SGPL1: variants seen among roughly 807,000 people sequenced by gnomAD.
SGPL1 encodes sphingosine-1-phosphate lyase 1, also known as SP-lyase 1.
Under a neutral mutation model 68.9 loss-of-function variants are expected in SGPL1, and 37 were observed. The ratio of observed to expected loss-of-function variants is 0.54; its 90% confidence interval spans 0.41 to 0.71. The LOEUF (loss-of-function observed/expected upper bound fraction) is 0.71. SGPL1 is among the 30% of genes least tolerant of loss of function. SGPL1 has a pLI of 0.00. For synonymous variants in SGPL1, 236 were observed against 248.5 expected, an observed-to-expected ratio of 0.95 and a Z score of 0.47; for missense variants, 551 against 704.6, an observed-to-expected ratio of 0.78 and a Z score of 2.47.
rs537696789 is a variant in SGPL1, at chr10:70,871,006, G to A, written c.811-42G>A. On this transcript the variant is annotated intron_variant, in intron 9 of 14. Transcript: ENST00000373202. The stretch of plus-strand genomic sequence containing the variant: ...TTGGCAGCAGAAGAGAAGAGTAATT[G>A]TGACATAGATTCTCATTTTCCTTTA... 5 of 1,543,448 alleles carry A rather than the reference G, an allele frequency of 3.2e-6. No homozygotes were observed. The African/African-American group carries it at 6.8e-5, about 21-fold the overall frequency.
In SGPL1 at chr10:70,871,065, C is replaced by G. The variant is rs1224822729; in HGVS notation, c.828C>G (p.Ile276Met). Residue 276 changes from isoleucine (I) to methionine (M), a missense_variant, in exon 10 of 15, where the codon ATC becomes ATG. Physicochemically the swap from Ile to Met is conservative, Grantham distance 10. Coordinates refer to ENST00000373202, the MANE Select transcript of SGPL1 (RefSeq NM_003901.4). ...EVDVRAMRRA[I>M]SRNTAMLVCS... ...ATCCCTAGGCAATGAGAAGAGCTAT[C>G]TCCAGGAACACTGCCATGCTCGTCT... 4 of 1,613,678 alleles carry G rather than the reference C, an allele frequency of 2.5e-6. No homozygotes were observed.
intron 2 of SGPL1, among the ~76,000 whole-genome samples, chr10:70,843,826 A>G (rs1353483049): frequency 2.0e-5 from 3 of 152,230 alleles, no homozygotes; most frequent in Non-Finnish European, 4.4e-5. Context: ...TGTGCTAAGA[A>G]TGATTTTTAC....
intron 2 of SGPL1, among the ~76,000 whole-genome samples, chr10:70,827,900 C>CT (rs1845463738): frequency 1.3e-5 from 2 of 152,102 alleles, no homozygotes; most frequent in Admixed American, 1.3e-4. Context: ...AGTATATTCT[C>CT]TTTTGTGAGT....
At chr10:70,827,341 T>C (rs982177902) in intron 2 of SGPL1, among the ~76,000 whole-genome samples, 23 of 152,232 alleles carry the variant, frequency 1.5e-4, no homozygotes, top group African/African-American at 5.5e-4. Flanking sequence ...TCAAGTCATA[T>C]GCCTTATCAG....
At chr10:70,848,587 C>T (rs1845829270) in intron 3 of SGPL1, among the ~76,000 whole-genome samples, 1 of 150,826 alleles carries the variant, frequency 6.6e-6, no homozygotes, top group African/African-American at 2.4e-5. Context: ...GCTTCAGCCT[C>T]CCGAGTAGCT....
chr10:70,850,546 G>A (rs1432635839), intron 3 of SGPL1, among the ~76,000 whole-genome samples: 3 of 152,162 alleles, frequency 2.0e-5, no homozygotes, highest in African/African-American at 7.2e-5. Flanking sequence ...TCCTGTAGGT[G>A]TACTTGTAGT....
At chr10:70,828,741 G>A (rs1845481053) in intron 2 of SGPL1, among the ~76,000 whole-genome samples, 1 of 152,182 alleles carries the variant, frequency 6.6e-6, no homozygotes, top group African/African-American at 2.4e-5. Flanking sequence ...AGTGGCTATT[G>A]TAGTAACACT....
chr10:70,873,888 A>G (rs937486715), intron 12 of SGPL1, among the ~76,000 whole-genome samples: 3 of 152,170 alleles, frequency 2.0e-5, no homozygotes, highest in Admixed American at 2.0e-4. Flanking sequence ...TGTACAATTT[A>G]ATGGTTAGGA....
chr10:70,872,392 TGG>T (rs1300944513), intron 11 of SGPL1, among the ~76,000 whole-genome samples: 1 of 152,186 alleles, frequency 6.6e-6, no homozygotes, highest in Non-Finnish European at 1.5e-5. Context: ...GCTGTGCAAC[TGG>T]GCTCCTGAGC....
intron 2 of SGPL1, among the ~76,000 whole-genome samples, chr10:70,824,587 C>T (rs543811574): frequency 2.2e-4 from 34 of 151,570 alleles, no homozygotes; most frequent in South Asian, 8.3e-4. Context: ...TTCCATAGTG[C>T]GATGACAAAA....
intron 7 of SGPL1, among the ~76,000 whole-genome samples, chr10:70,862,186 G>A (rs1288750471): frequency 6.6e-6 from 1 of 152,144 alleles, no homozygotes. Flanking sequence ...TACACCAATC[G>A]GCACTCTGTA....
At chr10:70,852,727 T>TGTGC (rs1211371283) in intron 4 of SGPL1, among the ~76,000 whole-genome samples, 122 of 109,608 alleles carry the variant, frequency 1.1e-3, no homozygotes, top group Middle Eastern at 6.0e-3. Context: ...TGTGTGTGTG[T>TGTGC]GCGCGCGCAC....
intron 7 of SGPL1, among the ~76,000 whole-genome samples, chr10:70,862,674 C>T (rs1246440976): frequency 6.6e-6 from 1 of 152,072 alleles, no homozygotes; most frequent in Non-Finnish European, 1.5e-5. Context: ...GAGGAACGAA[C>T]AACTCCGGAC....
intron 2 of SGPL1, among the ~76,000 whole-genome samples, chr10:70,841,074 C>T (rs1011016929): frequency 3.9e-5 from 6 of 152,122 alleles, no homozygotes; most frequent in East Asian, 1.9e-4. Context: ...TCACACTAGA[C>T]GAGTCTTTAT....
At position 70,875,488 on chromosome 10, in the gene SGPL1, G is replaced by A; in HGVS notation, c.1385G>A (p.Arg462Gln). Residue 462 changes from arginine (R) to glutamine (Q), a missense_variant, in exon 13 of 15, where the codon CGA becomes CAA. Physicochemically the swap from Arg to Gln is conservative, Grantham distance 43. Coordinates refer to ENST00000373202, the MANE Select transcript of SGPL1 (RefSeq NM_003901.4). ...GGATCCCGTGATTTTGACATCTACCGACTATCAAACCTGATGACTGCTAAG... is the reference window on the plus strand; with the variant it reads ...GGATCCCGTGATTTTGACATCTACCAACTATCAAACCTGATGACTGCTAAG... The part of the protein sequence containing the change: ...ALGSRDFDIY[R>Q]LSNLMTAKGW... The A allele has an allele frequency of 5.0e-6, 8 of 1,613,172 alleles. No homozygotes were observed. Among genetic ancestry groups the A allele is most frequent in the Middle Eastern group, 1.7e-4 (1 of 6,058 alleles).
chr10:70,820,184 A>G (rs1180002967), intron 2 of SGPL1: 1 of 152,234 alleles, frequency 6.6e-6, no homozygotes, highest in East Asian at 1.9e-4. Context: ...TCTTTTACAG[A>G]TGAAAAACGA....
chr10:70,873,580 T>G lies in SGPL1; in HGVS notation c.1289T>G (p.Leu430Arg). ...CAGATCATCAAAACTGCTCGCTTCC[T>G]CAAGTCAGAGTATGTGTGGAAGACT... ...TKQIIKTARF[L>R]KSELENIKGI... Residue 430 changes from leucine (L) to arginine (R), a missense_variant, in exon 12 of 15, where the codon CTC becomes CGC. Physicochemically the swap from Leu to Arg is moderately radical, Grantham distance 102. Coordinates refer to ENST00000373202, the MANE Select transcript of SGPL1 (RefSeq NM_003901.4). 6.2e-7 allele frequency: 1 copy of G among 1,611,878 alleles called. No homozygotes were observed. The highest frequency in any genetic ancestry group is 8.5e-7 in the Non-Finnish European group (1 of 1,177,862).
intron 2 of SGPL1, among the ~76,000 whole-genome samples, chr10:70,818,909 A>T (rs1436360160): frequency 6.6e-6 from 1 of 152,242 alleles, no homozygotes; most frequent in African/African-American, 2.4e-5. Context: ...CCTATCTCCT[A>T]CATCCCCTTC....
chr10:70,862,570 C>T (rs929182359), intron 7 of SGPL1, among the ~76,000 whole-genome samples: 1 of 152,160 alleles, frequency 6.6e-6, no homozygotes, highest in African/African-American at 2.4e-5. Flanking sequence ...CTACTGCTCA[C>T]TCTTTGGGTC....
Sources: allele counts gnomAD v4.1 joint callset (sites outside exome capture counted in the v4.1 genomes callset), GRCh38; gene constraint gnomAD v4.1.1; transcripts MANE v1.5; gene names NCBI Gene and HGNC (gene_info 2026-07-23, HGNC 2026-07-21).